Variants in SAMD4A observed in about 807,000 individuals in gnomAD.
The protein encoded by SAMD4A is protein Smaug homolog 1.
In SAMD4A, 33 loss-of-function variants were observed where a neutral mutation model predicts 81.3. That is an observed-to-expected ratio of 0.41 (90% CI 0.31 to 0.54). SAMD4A has a LOEUF of 0.54. SAMD4A is among the 20% of genes least tolerant of loss of function. SAMD4A has a pLI of 0.37. For missense variants in SAMD4A, 854 were observed against 951.1 expected (o/e 0.90, Z 1.34); for synonymous variants, 389 against 382.1 (o/e 1.02, Z -0.21).
chr14:54,604,916 T>C (rs2034158412), intron 2 of SAMD4A, among the ~76,000 whole-genome samples: 4 of 152,214 alleles, frequency 2.6e-5, no homozygotes, highest in Admixed American at 2.6e-4. Context: ...TGCTTTAACT[T>C]ATTGGATTTG....
At chr14:54,728,997 AG>A (rs1194961629) in intron 3 of SAMD4A, among the ~76,000 whole-genome samples, 1 of 152,240 alleles carries the variant, frequency 6.6e-6, no homozygotes, top group Non-Finnish European at 1.5e-5. Context: ...GACAGGAGTT[AG>A]TAGACACAGT....
chr14:54,748,373 C>G (rs888668307), intron 4 of SAMD4A, among the ~76,000 whole-genome samples: 86 of 152,222 alleles, frequency 5.6e-4, no homozygotes, highest in African/African-American at 2.0e-3. Context: ...GCTCATGTAG[C>G]TCTAACATTC....
intron 2 of SAMD4A, among the ~76,000 whole-genome samples, chr14:54,633,501 G>A (rs895728038): frequency 1.3e-5 from 2 of 152,116 alleles, no homozygotes; most frequent in African/African-American, 4.8e-5. Flanking sequence ...AGTAGTTGGG[G>A]ACAAGTAGAG....
intron 2 of SAMD4A, among the ~76,000 whole-genome samples, chr14:54,638,369 A>G (rs987854846): frequency 1.3e-5 from 2 of 152,176 alleles, no homozygotes; most frequent in Admixed American, 1.3e-4. Flanking sequence ...ATCCTATACA[A>G]ATCCCTGCGT....
chr14:54,610,109 C>T (rs1433653240), intron 2 of SAMD4A, among the ~76,000 whole-genome samples: 1 of 151,964 alleles, frequency 6.6e-6, no homozygotes, highest in East Asian at 1.9e-4. Context: ...TAGATATGAC[C>T]CTGCTTTTCC....
chr14:54,742,481 C>T (rs987732282), intron 4 of SAMD4A, among the ~76,000 whole-genome samples: 16 of 152,312 alleles, frequency 1.1e-4, no homozygotes, highest in South Asian at 4.1e-4. Flanking sequence ...TTCCTCTCCT[C>T]GCCTGCAGTT....
At chr14:54,673,692 G>A (rs894421652) in intron 2 of SAMD4A, among the ~76,000 whole-genome samples, 1 of 152,240 alleles carries the variant, frequency 6.6e-6, no homozygotes, top group Non-Finnish European at 1.5e-5. Context: ...CAGCCCTTAG[G>A]AGGGAGCAGC....
At position 54,658,122 on chromosome 14, in the gene SAMD4A, C is replaced by T. The variant is rs577468559; in HGVS notation, c.197-43940C>T. On this transcript the variant is annotated intron_variant, in intron 2 of 12. Transcript: ENST00000554335. The stretch of plus-strand genomic sequence containing the variant: ...GTCAGGACTTTGAGACCAGCCTGGC[C>T]AACATGGCGAAACCCCGTCACCACA... Among the ~76,000 whole-genome samples, 3 of 152,248 alleles carry T rather than the reference C, an allele frequency of 2.0e-5. No homozygotes were observed. The East Asian group carries it at 5.8e-4, about 29-fold the overall frequency.
At chr14:54,591,027 A>G (rs2033760208) in intron 2 of SAMD4A, among the ~76,000 whole-genome samples, 1 of 152,170 alleles carries the variant, frequency 6.6e-6, no homozygotes, top group African/African-American at 2.4e-5. Flanking sequence ...AAGCCTTCCA[A>G]GATCTTGGTC....
chr14:54,720,982 A>G (rs1262913648), intron 3 of SAMD4A, among the ~76,000 whole-genome samples: 2 of 152,154 alleles, frequency 1.3e-5, no homozygotes, highest in Non-Finnish European at 2.9e-5. Flanking sequence ...GTTGACTTCA[A>G]GTGGTCTGCT....
At chr14:54,787,938 G>A (rs74440458) in intron 12 of SAMD4A, among the ~76,000 whole-genome samples, 3 of 152,270 alleles carry the variant, frequency 2.0e-5, no homozygotes, top group East Asian at 1.9e-4. Context: ...CCTGGGGACC[G>A]TTCTAGAACC....
chr14:54,613,657 A>G (rs2034421228), intron 2 of SAMD4A, among the ~76,000 whole-genome samples: 1 of 152,112 alleles, frequency 6.6e-6, no homozygotes. Flanking sequence ...TTTGCATTTG[A>G]TCTTTCTTCT....
chr14:54,679,936 C>T (rs2036090244), intron 2 of SAMD4A, among the ~76,000 whole-genome samples: 1 of 152,234 alleles, frequency 6.6e-6, no homozygotes, highest in African/African-American at 2.4e-5. Context: ...TAAGATAGGA[C>T]ATGATGGGAT....
At chr14:54,676,457 A>C (rs1594797638) in intron 2 of SAMD4A, among the ~76,000 whole-genome samples, 1 of 152,018 alleles carries the variant, frequency 6.6e-6, no homozygotes, top group African/African-American at 2.4e-5. Flanking sequence ...GCTCACTGTA[A>C]CCTCCGCCTC....
chr14:54,711,668 G>C (rs1330098889), intron 3 of SAMD4A, among the ~76,000 whole-genome samples: 1 of 152,134 alleles, frequency 6.6e-6, no homozygotes, highest in South Asian at 2.1e-4. Context: ...GTTCGGGGGA[G>C]GACATTGGTT....
At chr14:54,624,602 A>C (rs905589231) in intron 2 of SAMD4A, among the ~76,000 whole-genome samples, 5 of 152,248 alleles carry the variant, frequency 3.3e-5, no homozygotes, top group African/African-American at 1.2e-4. Flanking sequence ...TTCAAAAGTA[A>C]ATGCTGTCTC....
chr14:54,668,824 C>G (rs1275637326), intron 2 of SAMD4A: 1 of 152,296 alleles, frequency 6.6e-6, no homozygotes, highest in African/African-American at 2.4e-5. Flanking sequence ...GGTTAAGTAA[C>G]TTGCCTAAAG....
intron 2 of SAMD4A, among the ~76,000 whole-genome samples, chr14:54,698,126 G>A (rs1196541679): frequency 1.3e-5 from 2 of 152,178 alleles, no homozygotes; most frequent in Non-Finnish European, 2.9e-5. Context: ...CTTTCAAAGA[G>A]GTGTGTCAAA....
At chr14:54,578,692 A>G (rs1393019164) in intron 2 of SAMD4A, among the ~76,000 whole-genome samples, 2 of 152,194 alleles carry the variant, frequency 1.3e-5, no homozygotes, top group Non-Finnish European at 2.9e-5. Context: ...AGCCTGGGTG[A>G]CAGAGCGAGA....
Sources: allele counts gnomAD v4.1 joint callset (sites outside exome capture counted in the v4.1 genomes callset), GRCh38; gene constraint gnomAD v4.1.1; transcripts MANE v1.5; gene names NCBI Gene and HGNC (gene_info 2026-07-23, HGNC 2026-07-21).